Variants in SGTB observed in about 807,000 individuals in gnomAD.
SGTB encodes small glutamine-rich tetratricopeptide repeat-containing protein beta.
A neutral mutation model predicts 43.9 loss-of-function variants in SGTB; 19 were observed. That is an observed-to-expected ratio of 0.43 (90% CI 0.30 to 0.63). SGTB has a LOEUF of 0.63. SGTB is among the 30% of genes least tolerant of loss of function. The probability of loss-of-function intolerance (pLI) is 0.12; values close to 1 mark genes in which losing one functional copy is unlikely to be tolerated. For synonymous variants in SGTB, 116 were observed against 117.3 expected (o/e 0.99, Z 0.07); for missense variants, 304 against 358.9 (o/e 0.85, Z 1.24).
intron 4 of SGTB, among the ~76,000 whole-genome samples, chr5:65,705,016 G>A (rs1579878539): frequency 1.3e-5 from 2 of 152,138 alleles, no homozygotes; most frequent in East Asian, 3.8e-4. Flanking sequence ...TTTCAGGAAG[G>A]GCATCTGCAG....
chr5:65,720,397 C>T (rs1384410891), intron 2 of SGTB, among the ~76,000 whole-genome samples: 2 of 152,026 alleles, frequency 1.3e-5, no homozygotes, highest in East Asian at 3.8e-4. Context: ...TTTATTTTCT[C>T]ACTTGTTAAA....
At chr5:65,680,907 CTTAAT>C (rs1316355044) in intron 6 of SGTB, 113 bp from the exon 7 acceptor site, 1 of 1,178,380 alleles carries the variant, frequency 8.5e-7, no homozygotes, top group African/African-American at 1.5e-5. Flanking sequence ...CCAGATTACA[CTTAAT>C]TTATTCACTG....
chr5:65,680,263 A>C (rs1490679504), intron 8 of SGTB, among the ~76,000 whole-genome samples: 1 of 152,172 alleles, frequency 6.6e-6, no homozygotes, highest in East Asian at 1.9e-4. Flanking sequence ...CTGTGCAGCA[A>C]ACTACCATGG....
intron 3 of SGTB, among the ~76,000 whole-genome samples, chr5:65,710,064 A>G (rs1758015310): frequency 6.6e-6 from 1 of 152,130 alleles, no homozygotes; most frequent in African/African-American, 2.4e-5. Flanking sequence ...TTTTTTTTAA[A>G]TCATTATCTA....
chr5:65,676,274 G>A (rs143191570), intron 8 of SGTB, among the ~76,000 whole-genome samples: 37 of 151,834 alleles, frequency 2.4e-4, no homozygotes, highest in African/African-American at 8.5e-4. Flanking sequence ...CTGAAATTGC[G>A]CCACTGTACT....
At chr5:65,671,872 C>T in intron 10 of SGTB, 43 bp downstream of exon 10, 1 of 1,576,224 alleles carries the variant, frequency 6.3e-7, no homozygotes, top group Non-Finnish European at 8.7e-7. Flanking sequence ...GGCTGTAAAA[C>T]ATAAAATACA....
chr5:65,698,631 G>C (rs978163873), intron 5 of SGTB, among the ~76,000 whole-genome samples: 1 of 152,078 alleles, frequency 6.6e-6, no homozygotes, highest in African/African-American at 2.4e-5. Flanking sequence ...TTTGCAAACT[G>C]TGCATCCAAC....
chr5:65,684,716 C>G (rs1232826760), intron 6 of SGTB, among the ~76,000 whole-genome samples: 1 of 151,922 alleles, frequency 6.6e-6, no homozygotes. Context: ...CCATGCCTGG[C>G]TAATTTTTGT....
Position 65,669,499 on chromosome 5 carries a change from C to T in SGTB, c.*747G>A, listed in dbSNP as rs1371387056. The T allele has an allele frequency of 4.6e-5, 7 of 152,152 alleles. No individual in the cohort carries two copies. The highest frequency in any genetic ancestry group is 4.6e-4 in the Admixed American group (7 of 15,274). 9.4% of individuals were successfully genotyped at this position (152,152 alleles called of 1,614,324 possible). A position where few individuals can be genotyped will look rare whatever the true frequency, so the allele number is the denominator to read the frequency against. On this transcript the variant is annotated 3_prime_UTR_variant, in exon 11 of 11. Coordinates refer to ENST00000381007, the MANE Select transcript of SGTB (RefSeq NM_019072.3). Reference sequence around the variant, plus strand: ...TAAATGTATCTTATTGTGTATTTAGCATAAGTGGCCATGCTAATATTATCA... The same window carrying T: ...TAAATGTATCTTATTGTGTATTTAGTATAAGTGGCCATGCTAATATTATCA...
At chr5:65,719,273 C>T (rs1329896284) in intron 2 of SGTB, among the ~76,000 whole-genome samples, 1 of 152,074 alleles carries the variant, frequency 6.6e-6, no homozygotes, top group East Asian at 1.9e-4. Flanking sequence ...TAAGTTCTTC[C>T]AAATGCACTC....
chr5:65,690,923 T>C (rs966056351), intron 5 of SGTB, among the ~76,000 whole-genome samples: 2 of 152,242 alleles, frequency 1.3e-5, no homozygotes, highest in Non-Finnish European at 1.5e-5. Context: ...TCTCAGTATA[T>C]ATGCTTAGTG....
In SGTB at chr5:65,680,654, A is replaced by G. The variant is rs1278268885; in HGVS notation, c.618+2T>C. On this transcript the variant is annotated splice_donor_variant, in intron 7 of 10. Coordinates refer to ENST00000381007, the MANE Select transcript of SGTB (RefSeq NM_019072.3). LOFTEE classifies it high-confidence loss of function. ...TTCACTCATTTGGCATTAACAACTT[A>G]CAGGACTGGATACCTCTCTTAACTT... 1 of 1,613,902 alleles carries G rather than the reference A, an allele frequency of 6.2e-7. No individual in the cohort carries two copies. The highest frequency in any genetic ancestry group is 1.3e-5 in the African/African-American group (1 of 74,950).
chr5:65,698,153 A>G (rs778402666), intron 5 of SGTB, among the ~76,000 whole-genome samples: 9 of 152,208 alleles, frequency 5.9e-5, no homozygotes, highest in Non-Finnish European at 1.2e-4. Flanking sequence ...AATTTTCAAT[A>G]TCTTGATAGA....
chr5:65,698,117 C>A (rs181979907), intron 5 of SGTB, among the ~76,000 whole-genome samples: 1 of 152,170 alleles, frequency 6.6e-6, no homozygotes, highest in African/African-American at 2.4e-5. Context: ...TTACAGGCAC[C>A]CTCCACCATG....
At chr5:65,719,008 T>C (rs2548788) in intron 2 of SGTB, among the ~76,000 whole-genome samples, 81,337 of 151,998 alleles carry the variant, frequency 0.54, 22,077 homozygotes, top group South Asian at 0.61. Flanking sequence ...TCAACTTTAT[T>C]TTCACATAGT....
intron 8 of SGTB, among the ~76,000 whole-genome samples, chr5:65,673,958 A>G (rs1375919763): frequency 6.6e-6 from 1 of 152,126 alleles, no homozygotes; most frequent in Non-Finnish European, 1.5e-5. Context: ...ACCAAGGCCT[A>G]TAGTGCTTCT....
intron 5 of SGTB, among the ~76,000 whole-genome samples, chr5:65,692,143 G>A (rs13189323): frequency 1.3e-5 from 2 of 152,072 alleles, no homozygotes; most frequent in South Asian, 2.1e-4. Flanking sequence ...GGAGAAAGCC[G>A]AAAAAGGAAG....
At chr5:65,717,749 G>A (rs960112411) in intron 2 of SGTB, among the ~76,000 whole-genome samples, 1 of 152,254 alleles carries the variant, frequency 6.6e-6, no homozygotes, top group Non-Finnish European at 1.5e-5. Flanking sequence ...TACTGTGATT[G>A]CCTGACAGCA....
intron 8 of SGTB, among the ~76,000 whole-genome samples, chr5:65,678,112 G>A (rs771215604): frequency 5.3e-5 from 8 of 152,084 alleles, no homozygotes; most frequent in African/African-American, 1.7e-4. Context: ...TGTCTCAGTC[G>A]AGAAGTTTAT....
Sources: gnomAD v4.1 joint callset for allele counts (sites outside exome capture counted in the v4.1 genomes callset) on GRCh38, gnomAD v4.1.1 for gene constraint, MANE v1.5 for transcripts, NCBI Gene and HGNC (gene_info 2026-07-23, HGNC 2026-07-21) for gene names.